The following TCF12 variants were observed in gnomAD, a reference collection of about 807,000 sequenced individuals.
TCF12 encodes DNA-binding protein HTF4.
A neutral mutation model predicts 86.0 loss-of-function variants in TCF12; 45 were observed. The ratio of observed to expected loss-of-function variants is 0.52; its 90% confidence interval spans 0.41 to 0.67. The LOEUF is 0.67. Among genes scored for constraint, TCF12 ranks in the 30% least tolerant of loss-of-function variants. TCF12 has a pLI of 0.00. For synonymous variants in TCF12, 330 were observed against 299.6 expected, an observed-to-expected ratio of 1.10 and a Z score of -1.05; for missense variants, 881 against 859.9, an observed-to-expected ratio of 1.02 and a Z score of -0.31.
At chr15:57,205,420 A>C (rs914290070) in intron 8 of TCF12, among the ~76,000 whole-genome samples, 20 of 152,378 alleles carry the variant, frequency 1.3e-4, no homozygotes, top group African/African-American at 4.8e-4. Flanking sequence ...GAACTTCATG[A>C]GTAAACCCTC....
At chr15:56,996,109 C>T (rs1345638721) in intron 3 of TCF12, among the ~76,000 whole-genome samples, 1 of 152,116 alleles carries the variant, frequency 6.6e-6, no homozygotes, top group African/African-American at 2.4e-5. Context: ...GTATGTTGAA[C>T]CAGCCTTGCA....
intron 3 of TCF12, among the ~76,000 whole-genome samples, chr15:57,027,377 A>G (rs1400248357): frequency 1.3e-5 from 2 of 152,240 alleles, no homozygotes; most frequent in African/African-American, 4.8e-5. Context: ...TTCAAGATTT[A>G]TCCAAGTTGT....
chr15:57,040,032 A>G (rs1596258340), intron 3 of TCF12, among the ~76,000 whole-genome samples: 1 of 152,200 alleles, frequency 6.6e-6, no homozygotes, highest in Non-Finnish European at 1.5e-5. Flanking sequence ...TCTCTCTTTT[A>G]TCTCACTTTC....
chr15:57,020,338 G>A (rs535260683), intron 3 of TCF12, among the ~76,000 whole-genome samples: 1 of 152,318 alleles, frequency 6.6e-6, no homozygotes, highest in East Asian at 1.9e-4. Context: ...TCAGTACAGT[G>A]TAATCCCTGT....
At chr15:56,963,133 C>T (rs1412705442) in intron 3 of TCF12, among the ~76,000 whole-genome samples, 1 of 149,072 alleles carries the variant, frequency 6.7e-6, no homozygotes, top group African/African-American at 2.5e-5. Flanking sequence ...TTTATTCTAG[C>T]CTTTTCTATT....
At chr15:57,291,267 T>C (rs916789902), downstream of TCF12, 3 of 152,234 alleles carry the variant, frequency 2.0e-5, no homozygotes, top group Non-Finnish European at 4.4e-5. Flanking sequence ...CAATCATCTC[T>C]ACTCATAATA....
At chr15:57,170,933 C>G (rs1224501746) in intron 6 of TCF12, among the ~76,000 whole-genome samples, 3 of 146,086 alleles carry the variant, frequency 2.1e-5, no homozygotes, top group Admixed American at 7.0e-5. Flanking sequence ...AGGGCCACCA[C>G]TCCCAGAGGA....
chr15:57,103,299 A>G (rs2049888234), intron 5 of TCF12, among the ~76,000 whole-genome samples: 1 of 152,188 alleles, frequency 6.6e-6, no homozygotes, highest in African/African-American at 2.4e-5. Flanking sequence ...TTAAAATTCC[A>G]TGTACAGTGA....
At chr15:56,943,520 A>T (rs993000476) in intron 3 of TCF12, among the ~76,000 whole-genome samples, 1 of 152,204 alleles carries the variant, frequency 6.6e-6, no homozygotes, top group Non-Finnish European at 1.5e-5. Flanking sequence ...ATTATTTAAC[A>T]TACTCTTCAT....
chr15:57,085,521 G>A (rs981151782), intron 4 of TCF12, among the ~76,000 whole-genome samples: 2 of 152,068 alleles, frequency 1.3e-5, no homozygotes, highest in African/African-American at 4.8e-5. Flanking sequence ...TATAATTCCC[G>A]CTCTCACATA....
At chr15:57,274,170 G>A (rs1457795080) in intron 19 of TCF12, among the ~76,000 whole-genome samples, 1 of 152,092 alleles carries the variant, frequency 6.6e-6, no homozygotes, top group Non-Finnish European at 1.5e-5. Context: ...GTGTGAAGAC[G>A]GTTCAAAAAA....
chr15:57,111,025 C>T (rs1481944056), intron 5 of TCF12, among the ~76,000 whole-genome samples: 1 of 152,200 alleles, frequency 6.6e-6, no homozygotes, highest in Non-Finnish European at 1.5e-5. Context: ...GTCTCAGATG[C>T]ATTGTGCCTG....
At chr15:57,097,443 C>T (rs887611193) in intron 5 of TCF12, among the ~76,000 whole-genome samples, 1 of 151,800 alleles carries the variant, frequency 6.6e-6, no homozygotes, top group Non-Finnish European at 1.5e-5. Context: ...AGGGAGGATT[C>T]CTTGAGCTGG....
intron 3 of TCF12, among the ~76,000 whole-genome samples, chr15:56,952,462 T>G (rs2061324907): frequency 6.6e-6 from 1 of 152,046 alleles, no homozygotes; most frequent in African/African-American, 2.4e-5. Context: ...TCCATAAAAT[T>G]TATAGATCAA....
At chr15:57,068,407 A>G (rs1414431679) in intron 4 of TCF12, among the ~76,000 whole-genome samples, 2 of 152,260 alleles carry the variant, frequency 1.3e-5, no homozygotes, top group African/African-American at 2.4e-5. Flanking sequence ...TCTAAGTGTA[A>G]TAAATGAGAA....
chr15:56,926,251 T>C (rs1224197661), intron 3 of TCF12, among the ~76,000 whole-genome samples: 6 of 150,746 alleles, frequency 4.0e-5, no homozygotes, highest in Non-Finnish European at 7.4e-5. Context: ...AGGCAGAGGT[T>C]ACAGTGAGCC....
At chr15:57,008,275 G>C (rs2064595512) in intron 3 of TCF12, among the ~76,000 whole-genome samples, 1 of 151,846 alleles carries the variant, frequency 6.6e-6, no homozygotes, top group Non-Finnish European at 1.5e-5. Flanking sequence ...GTGCCTGGCT[G>C]TGTGTTTTTT....
At position 57,262,136 on chromosome 15, in the gene TCF12, C is replaced by G; in HGVS notation, c.1510C>G (p.His504Asp). ...AGACTCTGTCAGTCTCAATGGCAATCATTCAGTCCTGTCTAGTACAGTCAC... is the reference window on the plus strand; with the variant it reads ...AGACTCTGTCAGTCTCAATGGCAATGATTCAGTCCTGTCTAGTACAGTCAC... ...REDSVSLNGN[H>D]SVLSSTVTTS... The change falls in exon 17 of 21, where the codon CAT (histidine) becomes GAT (aspartate). Residue 504 changes from histidine to aspartate, a missense_variant. By Grantham distance (81) the His-to-Asp change is moderately conservative. This residue lies in a region of TCF12 where 766 missense variants were observed against 718.9 expected (regional missense o/e 1.07). Transcript: ENST00000333725. 1 of 1,613,532 alleles carries G rather than the reference C, an allele frequency of 6.2e-7. No homozygotes were observed.
At chr15:57,067,438 G>T (rs1413734762) in intron 4 of TCF12, among the ~76,000 whole-genome samples, 1 of 146,130 alleles carries the variant, frequency 6.8e-6, no homozygotes, top group African/African-American at 2.6e-5. Context: ...TACTTGGGAG[G>T]CTGAGGCAGG....
Sources: allele counts gnomAD v4.1 joint callset (sites outside exome capture counted in the v4.1 genomes callset), GRCh38; gene constraint gnomAD v4.1.1; regional missense constraint gnomAD v4.1.1; transcripts MANE v1.5; gene names NCBI Gene and HGNC (gene_info 2026-07-23, HGNC 2026-07-21).